SGCZ: variants seen among roughly 807,000 people sequenced by gnomAD.
SGCZ encodes the protein sarcoglycan zeta, also known as zeta-sarcoglycan.
SGCZ carries 40 observed loss-of-function variants against 41.3 expected under a neutral mutation model. That is an observed-to-expected ratio of 0.97 (90% CI 0.75 to 1.26). The LOEUF (loss-of-function observed/expected upper bound fraction) is 1.26, where lower values mean the gene tolerates loss of function less well. Among genes scored for constraint, SGCZ ranks in the 50% most tolerant of loss-of-function variants. The pLI, the probability that SGCZ is intolerant of heterozygous loss-of-function variation, is 0.00. For missense variants in SGCZ, 552 were observed against 369.8 expected (o/e 1.49, Z -4.04); for synonymous variants, 206 against 137.5 (o/e 1.50, Z -3.49).
At chr8:14,338,763 A>C (rs142237446) in intron 2 of SGCZ, among the ~76,000 whole-genome samples, 72 of 152,284 alleles carry the variant, frequency 4.7e-4, no homozygotes, top group Non-Finnish European at 6.8e-4. Flanking sequence ...CTTTACAATA[A>C]GTTTTACAGG....
chr8:15,222,567 G>T (rs768060538), intron 1 of SGCZ, among the ~76,000 whole-genome samples: 2 of 152,164 alleles, frequency 1.3e-5, no homozygotes, highest in African/African-American at 2.4e-5. Flanking sequence ...GTCTATCAGA[G>T]AATTAGAAGG....
chr8:15,224,605 G>A (rs758181099), intron 1 of SGCZ, among the ~76,000 whole-genome samples: 54 of 151,978 alleles, frequency 3.6e-4, no homozygotes, highest in Non-Finnish European at 5.3e-4. Flanking sequence ...TACAATAAAC[G>A]TAAATAAGCT....
chr8:14,927,178 G>C (rs1344128264), intron 1 of SGCZ, among the ~76,000 whole-genome samples: 1 of 143,246 alleles, frequency 7.0e-6, no homozygotes. Flanking sequence ...GCGCGATCTC[G>C]GCTCACTGCA....
chr8:14,769,594 C>A (rs1053485045), intron 1 of SGCZ, among the ~76,000 whole-genome samples: 1 of 151,932 alleles, frequency 6.6e-6, no homozygotes, highest in East Asian at 1.9e-4. Context: ...GAGTTCGAGA[C>A]CAGCCTGGCC....
intron 3 of SGCZ, among the ~76,000 whole-genome samples, chr8:14,293,041 A>G (rs1197444659): frequency 2.0e-5 from 3 of 152,050 alleles, no homozygotes; most frequent in African/African-American, 7.2e-5. Flanking sequence ...GTTAAAATAA[A>G]TACGGTGATT....
chr8:14,752,449 C>T (rs1799528169), intron 1 of SGCZ, among the ~76,000 whole-genome samples: 1 of 152,136 alleles, frequency 6.6e-6, no homozygotes, highest in African/African-American at 2.4e-5. Context: ...GTTAAATTTA[C>T]TGCATTTCAT....
intron 1 of SGCZ, among the ~76,000 whole-genome samples, chr8:14,725,650 T>G (rs1563228071): frequency 6.6e-6 from 1 of 152,198 alleles, no homozygotes; most frequent in Admixed American, 6.5e-5. Flanking sequence ...AAATCACTAT[T>G]ACTAACACCT....
chr8:14,567,696 T>C (rs1051578292), intron 1 of SGCZ, among the ~76,000 whole-genome samples: 14 of 152,136 alleles, frequency 9.2e-5, no homozygotes, highest in African/African-American at 3.1e-4. Flanking sequence ...TGCTCACTCT[T>C]TGGGTGCACA....
chr8:14,631,017 T>A (rs1181362350), intron 1 of SGCZ, among the ~76,000 whole-genome samples: 1 of 151,732 alleles, frequency 6.6e-6, no homozygotes, highest in Non-Finnish European at 1.5e-5. Context: ...ACTTAAAGTA[T>A]AATAAAAAAA....
chr8:14,964,506 G>A (rs1324511220), intron 1 of SGCZ, among the ~76,000 whole-genome samples: 1 of 152,148 alleles, frequency 6.6e-6, no homozygotes, highest in Non-Finnish European at 1.5e-5. Flanking sequence ...TTGCATGCAG[G>A]AATTTCATTA....
intron 1 of SGCZ, among the ~76,000 whole-genome samples, chr8:14,607,788 G>T (rs969681550): frequency 1.7e-4 from 25 of 148,286 alleles, no homozygotes; most frequent in African/African-American, 5.7e-4. Flanking sequence ...TGTTAACACT[G>T]ACAGATGGAA....
At chr8:14,646,168 G>A (rs912385606) in intron 1 of SGCZ, among the ~76,000 whole-genome samples, 1 of 151,876 alleles carries the variant, frequency 6.6e-6, no homozygotes, top group African/African-American at 2.4e-5. Context: ...ACTGAGCACA[G>A]TACCCACAAG....
At chr8:14,709,897 T>C (rs950598889) in intron 1 of SGCZ, among the ~76,000 whole-genome samples, 2 of 152,256 alleles carry the variant, frequency 1.3e-5, no homozygotes, top group African/African-American at 4.8e-5. Flanking sequence ...CCTTATTTTA[T>C]AAATGAACAA....
intron 2 of SGCZ, among the ~76,000 whole-genome samples, chr8:14,375,380 A>G (rs1458259141): frequency 6.6e-6 from 1 of 152,220 alleles, no homozygotes; most frequent in Non-Finnish European, 1.5e-5. Context: ...CCAAAAATAT[A>G]TGTGAGAATA....
chr8:14,246,881 G>A (rs1284863780), intron 3 of SGCZ, among the ~76,000 whole-genome samples: 9 of 125,456 alleles, frequency 7.2e-5, no homozygotes, highest in African/African-American at 2.5e-4. Flanking sequence ...CTGCACTCCA[G>A]CCTGGGCGAC....
intron 1 of SGCZ, among the ~76,000 whole-genome samples, chr8:15,157,494 T>C (rs11989320): frequency 0.032 from 4,334 of 136,674 alleles, 208 homozygotes; most frequent in African/African-American, 0.14. Context: ...ACAACAACAA[T>C]GACAACAAGA....
chr8:14,281,500 C>G (rs1800437412), intron 3 of SGCZ, among the ~76,000 whole-genome samples: 1 of 151,900 alleles, frequency 6.6e-6, no homozygotes, highest in Non-Finnish European at 1.5e-5. Context: ...AAAGTATCAT[C>G]ATCCAAAAAT....
intron 2 of SGCZ, among the ~76,000 whole-genome samples, chr8:14,394,143 C>CTT (rs75054512): frequency 0.013 from 1,473 of 116,900 alleles, 1 homozygote; most frequent in East Asian, 0.021. Context: ...CGCCCCCCAC[C>CTT]TTTTTTTTTT....
At chr8:14,962,505 T>C (rs1346601706) in intron 1 of SGCZ, among the ~76,000 whole-genome samples, 3 of 152,154 alleles carry the variant, frequency 2.0e-5, no homozygotes, top group Non-Finnish European at 4.4e-5. Flanking sequence ...CAAACAATAC[T>C]ACTTAAAGAA....
Sources: gnomAD v4.1 joint callset for allele counts (sites outside exome capture counted in the v4.1 genomes callset) on GRCh38, gnomAD v4.1.1 for gene constraint, MANE v1.5 for transcripts, NCBI Gene and HGNC (gene_info 2026-07-23, HGNC 2026-07-21) for gene names.